Variants in TSPAN13 observed in about 807,000 individuals in gnomAD.
The protein encoded by TSPAN13 is tetraspanin 13, also known as tetraspanin-13.
TSPAN13 carries 18 observed loss-of-function variants against 26.9 expected under a neutral mutation model. The observed-to-expected ratio is 0.67, with a 90% CI of 0.46 to 0.99. TSPAN13 has a LOEUF of 0.99. Ranked by LOEUF, TSPAN13 falls within the 50% of genes least tolerant of loss-of-function variation. The pLI is 0.00. For synonymous variants in TSPAN13, 116 were observed against 98.4 expected (o/e 1.18, Z -1.06); for missense variants, 201 against 249.6 (o/e 0.81, Z 1.31).
chr7:16,755,226 G>A (rs972354589), intron 1 of TSPAN13, among the ~76,000 whole-genome samples: 1 of 152,220 alleles, frequency 6.6e-6, no homozygotes, highest in East Asian at 1.9e-4. Flanking sequence ...TTGGAATAGA[G>A]AGGCTGCCTT....
intron 1 of TSPAN13, among the ~76,000 whole-genome samples, chr7:16,767,015 G>A (rs536754755): frequency 4.7e-4 from 71 of 152,110 alleles, no homozygotes; most frequent in Non-Finnish European, 8.8e-4. Flanking sequence ...CAGTCACAAC[G>A]CACTGCAGCC....
At chr7:16,775,957 G>A (rs938954893) in intron 1 of TSPAN13, 77 of 376,670 alleles carry the variant, frequency 2.0e-4, no homozygotes, top group African/African-American at 1.4e-3. Context: ...CTGAGGCTCT[G>A]TGAGAATTTT....
chr7:16,763,497 C>T (rs78149921), intron 1 of TSPAN13, among the ~76,000 whole-genome samples: 1,944 of 152,282 alleles, frequency 0.013, 39 homozygotes, highest in African/African-American at 0.044. Flanking sequence ...CCCTTTCATC[C>T]GCTTTTCAGC....
chr7:16,781,453 C>G (rs552388524), intron 5 of TSPAN13, among the ~76,000 whole-genome samples: 4 of 152,308 alleles, frequency 2.6e-5, no homozygotes, highest in Admixed American at 6.5e-5. Context: ...AAAGTGCCCT[C>G]TTAATCATGA....
intron 1 of TSPAN13, among the ~76,000 whole-genome samples, chr7:16,773,320 T>C (rs1784704033): frequency 6.8e-6 from 1 of 147,950 alleles, no homozygotes; most frequent in Non-Finnish European, 1.5e-5. Context: ...TTAGAATGGT[T>C]TCACATTTTT....
intron 1 of TSPAN13, among the ~76,000 whole-genome samples, chr7:16,769,571 T>G (rs7789666): frequency 6.6e-6 from 1 of 151,966 alleles, no homozygotes; most frequent in African/African-American, 2.4e-5. Flanking sequence ...CTAAAAAGTA[T>G]GTGAAAAAAA....
In TSPAN13 at chr7:16,753,804, C is replaced by CCG. The variant is rs921547969; in HGVS notation, c.-154_-153dup. On this transcript the variant is annotated 5_prime_UTR_variant, in exon 1 of 6. Transcript: ENST00000262067. The stretch of plus-strand genomic sequence containing the variant: ...GTTCCAAAGCGGGTCCGAGCCGCCG[C>CCG]CGCGCGCGCGCCGCGCACTGCAGCC... 4.7e-5 allele frequency: 28 copies of CCG among 600,000 alleles called. No individual in the cohort carries two copies. The highest frequency in any genetic ancestry group is 4.7e-4 in the Middle Eastern group (1 of 2,110). The allele number at this position is 600,000 out of a possible 1,614,324, so 37.2% of individuals were successfully genotyped here. A position where few individuals can be genotyped will look rare whatever the true frequency, so the allele number is the denominator to read the frequency against.
At chr7:16,759,119 C>T (rs188292166) in intron 1 of TSPAN13, among the ~76,000 whole-genome samples, 9 of 152,130 alleles carry the variant, frequency 5.9e-5, no homozygotes, top group Middle Eastern at 3.4e-3. Context: ...GGCAGTGGAG[C>T]GGATGTGGGA....
intron 1 of TSPAN13, among the ~76,000 whole-genome samples, chr7:16,769,774 C>G (rs1306707257): frequency 6.6e-6 from 1 of 152,080 alleles, no homozygotes; most frequent in African/African-American, 2.4e-5. Context: ...ACTTAGTTGT[C>G]TAAAACCCCA....
chr7:16,779,680 A>T (rs970878382), intron 5 of TSPAN13, among the ~76,000 whole-genome samples: 1 of 151,756 alleles, frequency 6.6e-6, no homozygotes, highest in Admixed American at 6.6e-5. Flanking sequence ...CATATATTTT[A>T]TTCAAGTTCA....
intron 1 of TSPAN13, among the ~76,000 whole-genome samples, chr7:16,765,886 C>A (rs765523540): frequency 6.6e-6 from 1 of 152,154 alleles, no homozygotes; most frequent in African/African-American, 2.4e-5. Flanking sequence ...CAAACCTAGG[C>A]TTTTTAATTA....
At chr7:16,775,645 T>C (rs1784733815) in intron 1 of TSPAN13, 2 of 152,236 alleles carry the variant, frequency 1.3e-5, no homozygotes, top group African/African-American at 2.4e-5. Flanking sequence ...TACTCTCAAG[T>C]TGCTGCCAGT....
chr7:16,760,761 T>C (rs1179705915), intron 1 of TSPAN13, among the ~76,000 whole-genome samples: 1 of 152,122 alleles, frequency 6.6e-6, no homozygotes, highest in Non-Finnish European at 1.5e-5. Flanking sequence ...GGTTGGTGTC[T>C]CAGAAGTCAA....
chr7:16,774,956 G>A (rs2115333716), intron 1 of TSPAN13, among the ~76,000 whole-genome samples: 1 of 152,110 alleles, frequency 6.6e-6, no homozygotes, highest in East Asian at 1.9e-4. Flanking sequence ...TGTAAAATTT[G>A]CCTGACAAAC....
In TSPAN13 at chr7:16,784,294, C is replaced by T. The variant is rs1013389645; in HGVS notation, c.*803C>T. ...AACAAGTTAGTATTAATGCGTTGGCCCACGTAGCAAAAAGATATTTGATTA... is the reference window on the plus strand; with the variant it reads ...AACAAGTTAGTATTAATGCGTTGGCTCACGTAGCAAAAAGATATTTGATTA... On this transcript the variant is annotated 3_prime_UTR_variant, in exon 6 of 6. Coordinates refer to ENST00000262067, the MANE Select transcript of TSPAN13 (RefSeq NM_014399.4). 6.6e-6 allele frequency: 1 copy of T among 151,950 alleles called. No homozygotes were observed. The highest frequency in any genetic ancestry group is 1.5e-5 in the Non-Finnish European group (1 of 67,958). The allele number at this position is 151,950 out of a possible 1,614,324, so 9.4% of individuals were successfully genotyped here.
At chr7:16,781,233 CAG>C (rs1301528047) in intron 5 of TSPAN13, among the ~76,000 whole-genome samples, 3 of 152,164 alleles carry the variant, frequency 2.0e-5, no homozygotes, top group South Asian at 4.1e-4. Flanking sequence ...ATTACCTACT[CAG>C]AAACAATCAT....
chr7:16,764,998 G>A (rs1427889488), intron 1 of TSPAN13, among the ~76,000 whole-genome samples: 1 of 151,714 alleles, frequency 6.6e-6, no homozygotes, highest in Non-Finnish European at 1.5e-5. Flanking sequence ...CTGGGCTCAA[G>A]TGATCCTGCC....
Position 16,763,537 on chromosome 7 carries a change from G to A in TSPAN13, c.63+9507G>A, listed in dbSNP as rs962258016. On this transcript the variant is annotated intron_variant, in intron 1 of 5. Transcript: ENST00000262067. ...CTTGCCTCTGCTCAGTTTCTTTTACGGGCTAGATCTTTCCCTGTCCATGAT... is the reference window on the plus strand; with the variant it reads ...CTTGCCTCTGCTCAGTTTCTTTTACAGGCTAGATCTTTCCCTGTCCATGAT... Among the ~76,000 whole-genome samples, 16 of 152,238 alleles carry A rather than the reference G, an allele frequency of 1.1e-4. No individual in the cohort carries two copies. The East Asian group carries it at 2.3e-3, about 22-fold the overall frequency.
chr7:16,754,009 C>T lies in TSPAN13; in HGVS notation c.42C>T (p.Cys14=). ...TCGCGTGTTCCAAGAACTGCCTGTG[C>T]GCCCTCAACCTGCTTTACACCGTGA... ...GGFACSKNCL[C]ALNLLYTLVS... Residue 14 remains cysteine, a synonymous_variant, in exon 1 of 6, where the codon TGC becomes TGT. Transcript: ENST00000262067. 1 of 1,613,638 alleles carries T rather than the reference C, an allele frequency of 6.2e-7. No individual in the cohort carries two copies. The highest frequency in any genetic ancestry group is 8.5e-7 in the Non-Finnish European group (1 of 1,179,768).
Sources: gnomAD v4.1 joint callset for allele counts (sites outside exome capture counted in the v4.1 genomes callset) on GRCh38, gnomAD v4.1.1 for gene constraint, MANE v1.5 for transcripts, NCBI Gene and HGNC (gene_info 2026-07-23, HGNC 2026-07-21) for gene names.